Variants in EBF1 observed in about 807,000 individuals in gnomAD.
EBF1 encodes transcription factor COE1.
EBF1 carries 10 observed loss-of-function variants against 68.4 expected under a neutral mutation model. The ratio of observed to expected loss-of-function variants is 0.15; its 90% CI spans 0.09 to 0.25. The LOEUF is 0.25. Ranked by LOEUF, EBF1 falls within the 10% of genes least tolerant of loss-of-function variation. The probability of loss-of-function intolerance (pLI) is 1.00; values close to 1 mark genes in which losing one functional copy is unlikely to be tolerated. For synonymous variants in EBF1, 298 were observed against 299.8 expected (o/e 0.99, Z 0.06); for missense variants, 509 against 794.4 (o/e 0.64, Z 4.32).
chr5:158,913,505 G>A (rs759668371), intron 6 of EBF1, among the ~76,000 whole-genome samples: 2 of 152,160 alleles, frequency 1.3e-5, no homozygotes, highest in Non-Finnish European at 2.9e-5. Flanking sequence ...GATTCCAGCA[G>A]AAATGGCTGT....
chr5:159,058,273 A>T (rs1775146549), intron 6 of EBF1, among the ~76,000 whole-genome samples: 1 of 152,196 alleles, frequency 6.6e-6, no homozygotes, highest in South Asian at 2.1e-4. Flanking sequence ...TGAGTAAGAA[A>T]ATGTTTTGTT....
At chr5:158,876,490 T>G (rs1797832400) in intron 6 of EBF1, among the ~76,000 whole-genome samples, 1 of 152,148 alleles carries the variant, frequency 6.6e-6, no homozygotes, top group Non-Finnish European at 1.5e-5. Context: ...GACACACTGA[T>G]GTTTTCGGTC....
chr5:158,893,898 G>T (rs987362115), intron 6 of EBF1, among the ~76,000 whole-genome samples: 1 of 152,114 alleles, frequency 6.6e-6, no homozygotes, highest in African/African-American at 2.4e-5. Context: ...GTTTCAAAAT[G>T]GTTCTTGTGT....
At chr5:158,872,713 T>G (rs566257842) in intron 6 of EBF1, among the ~76,000 whole-genome samples, 1 of 152,238 alleles carries the variant, frequency 6.6e-6, no homozygotes, top group African/African-American at 2.4e-5. Flanking sequence ...CACTGGTAGA[T>G]GAAACAATGA....
chr5:159,028,779 A>G (rs73301956), intron 6 of EBF1, among the ~76,000 whole-genome samples: 2,719 of 152,214 alleles, frequency 0.018, 69 homozygotes, highest in African/African-American at 0.061. Context: ...AGCTTCTCTG[A>G]GGTGATATTT....
chr5:158,795,075 G>A (rs1446283880), intron 9 of EBF1, among the ~76,000 whole-genome samples: 1 of 152,118 alleles, frequency 6.6e-6, no homozygotes, highest in Non-Finnish European at 1.5e-5. Context: ...TGCCTGAGTG[G>A]GTTACTGGCA....
chr5:158,888,715 A>G (rs541845859), intron 6 of EBF1, among the ~76,000 whole-genome samples: 1 of 152,208 alleles, frequency 6.6e-6, no homozygotes, highest in Non-Finnish European at 1.5e-5. Context: ...GTGTCTCGAT[A>G]TGAATTTACT....
chr5:158,740,841 AT>A (rs1766183784), intron 10 of EBF1, among the ~76,000 whole-genome samples: 1 of 152,146 alleles, frequency 6.6e-6, no homozygotes, highest in Admixed American at 6.5e-5. Flanking sequence ...TTTAACACAC[AT>A]TTTGCTTATA....
chr5:158,823,271 A>G lies in EBF1; in HGVS notation c.683T>C (p.Val228Ala). ...TVNVDGHVLA[V>A]SDNMFVHNNS... Reference sequence around the variant, plus strand: ...ATTATGGACAAACATGTTATCAGAGACTGCCAGGACATGGCCATCCACATT... The same window carrying G: ...ATTATGGACAAACATGTTATCAGAGGCTGCCAGGACATGGCCATCCACATT... The change falls in exon 8 of 16, where the codon GTC (valine) becomes GCC (alanine). Residue 228 changes from valine to alanine, a missense_variant. Val to Ala is a moderately conservative substitution (Grantham distance 64, BLOSUM62 0). This residue lies in a region of EBF1 where 230 missense variants were observed against 467.7 expected (regional missense o/e 0.49). Coordinates refer to ENST00000313708, the MANE Select transcript of EBF1 (RefSeq NM_024007.5). 1 of 1,613,948 alleles carries G rather than the reference A, an allele frequency of 6.2e-7. No individual in the cohort carries two copies. Among genetic ancestry groups the G allele is most frequent in the Non-Finnish European group, 8.5e-7 (1 of 1,179,904 alleles).
chr5:158,896,743 G>A (rs1321472045), intron 6 of EBF1, among the ~76,000 whole-genome samples: 1 of 152,102 alleles, frequency 6.6e-6, no homozygotes, highest in Non-Finnish European at 1.5e-5. Context: ...CATTAAAATT[G>A]TCTCTGTAGG....
chr5:158,990,299 T>C (rs1165562102), intron 6 of EBF1, among the ~76,000 whole-genome samples: 1 of 152,178 alleles, frequency 6.6e-6, no homozygotes, highest in Non-Finnish European at 1.5e-5. Flanking sequence ...GGGGCAACAT[T>C]CAGCAATCCT....
At chr5:158,733,756 C>T (rs999310459) in intron 10 of EBF1, among the ~76,000 whole-genome samples, 8 of 152,116 alleles carry the variant, frequency 5.3e-5, no homozygotes, top group Admixed American at 2.0e-4. Flanking sequence ...AACCTGCCCT[C>T]AATACAGGTA....
chr5:159,024,584 TGTCCCTACCAAGGATA>T (rs1354519234), intron 6 of EBF1, among the ~76,000 whole-genome samples: 2 of 152,230 alleles, frequency 1.3e-5, no homozygotes, highest in African/African-American at 4.8e-5. Flanking sequence ...GATGGAGGCT[TGTCCCTACCAAGGATA>T]GTCAAAGTAA....
At position 159,084,788 on chromosome 5, in the gene EBF1, A is replaced by G; in HGVS notation, c.412-49T>C. On this transcript the variant is annotated intron_variant, in intron 4 of 15. Coordinates refer to ENST00000313708, the MANE Select transcript of EBF1 (RefSeq NM_024007.5). ...GCTAAGAATGGAAAGGAGTAGCAGA[A>G]AAAAAAAAAAAATCACAATTGAGTT... 6 of 1,326,182 alleles carry G rather than the reference A, an allele frequency of 4.5e-6. No homozygotes were observed. The South Asian group carries it at 9.2e-5, about 20-fold the overall frequency. 82.2% of individuals were successfully genotyped at this position (1,326,182 alleles called of 1,614,324 possible).
chr5:158,903,245 C>T (rs546141011), intron 6 of EBF1, among the ~76,000 whole-genome samples: 1 of 152,232 alleles, frequency 6.6e-6, no homozygotes, highest in Non-Finnish European at 1.5e-5. Flanking sequence ...GAAGATTACT[C>T]ACTGCCTACA....
At chr5:158,895,106 C>T (rs1212791426) in intron 6 of EBF1, among the ~76,000 whole-genome samples, 1 of 152,024 alleles carries the variant, frequency 6.6e-6, no homozygotes, top group Non-Finnish European at 1.5e-5. Context: ...ATTTATTTAC[C>T]AGCTGAGGAG....
chr5:159,088,511 C>A (rs903368177), intron 4 of EBF1, among the ~76,000 whole-genome samples: 10 of 152,270 alleles, frequency 6.6e-5, no homozygotes, highest in African/African-American at 2.2e-4. Flanking sequence ...ATATGTGCCT[C>A]TGTGGTGTAT....
At chr5:158,901,600 T>C (rs1167085649) in intron 6 of EBF1, among the ~76,000 whole-genome samples, 1 of 152,238 alleles carries the variant, frequency 6.6e-6, no homozygotes, top group African/African-American at 2.4e-5. Flanking sequence ...CAACAAGCAT[T>C]TTCCATAATA....
At chr5:158,940,967 G>C (rs1208604117) in intron 6 of EBF1, among the ~76,000 whole-genome samples, 7 of 152,082 alleles carry the variant, frequency 4.6e-5, no homozygotes, top group Admixed American at 1.3e-4. Flanking sequence ...ACAGCTTTTT[G>C]TGAGAAGTTA....
Sources: allele counts gnomAD v4.1 joint callset (sites outside exome capture counted in the v4.1 genomes callset), GRCh38; gene constraint gnomAD v4.1.1; regional missense constraint gnomAD v4.1.1; transcripts MANE v1.5; gene names NCBI Gene and HGNC (gene_info 2026-07-23, HGNC 2026-07-21).